Variants in DAB1 observed in about 807,000 individuals in gnomAD.
DAB1 encodes the protein DAB adaptor protein 1, also known as disabled homolog 1.
DAB1 carries 15 observed loss-of-function variants against 64.6 expected under a neutral mutation model. The ratio of observed to expected loss-of-function variants is 0.23; its 90% confidence interval spans 0.16 to 0.36. DAB1 has a LOEUF of 0.36. Among genes scored for constraint, DAB1 ranks in the 10% least tolerant of loss-of-function variants. The probability of loss-of-function intolerance (pLI) is 1.00; values close to 1 mark genes in which losing one functional copy is unlikely to be tolerated. For synonymous variants in DAB1, 235 were observed against 251.9 expected, an observed-to-expected ratio of 0.93 and a Z score of 0.64; for missense variants, 596 against 706.7, an observed-to-expected ratio of 0.84 and a Z score of 1.78.
At chr1:57,106,257 A>ACCTCC (rs1655136253) in intron 4 of DAB1, among the ~76,000 whole-genome samples, 1 of 138,654 alleles carries the variant, frequency 7.2e-6, no homozygotes, top group African/African-American at 2.7e-5. Flanking sequence ...TCCCCCTAAC[A>ACCTCC]CCCCCCCCCA....
intron 1 of DAB1, among the ~76,000 whole-genome samples, chr1:57,326,132 T>C (rs781006138): frequency 2.0e-5 from 3 of 152,200 alleles, no homozygotes; most frequent in Non-Finnish European, 4.4e-5. Flanking sequence ...AATGAAATAT[T>C]TGGGGATACT....
chr1:57,525,256 C>A lies in DAB1; in HGVS notation n.625+124336G>T, dbSNP rs1570596374. 2.6e-5 allele frequency among the ~76,000 whole-genome samples: 4 copies of A among 152,146 alleles called. No homozygotes were observed. In the Middle Eastern group the frequency reaches 0.014, roughly 518 times the overall value. On this transcript the variant is annotated intron_variant and non_coding_transcript_variant, in intron 7 of 20. Coordinates refer to the DAB1 transcript ENST00000485760. ...AATTCCCAAACAGCAATGCACCAAGCCTGGTAATCAATGAGTCCATACAGG... is the reference window on the plus strand; with the variant it reads ...AATTCCCAAACAGCAATGCACCAAGACTGGTAATCAATGAGTCCATACAGG...
intron 5 of DAB1, among the ~76,000 whole-genome samples, chr1:58,091,479 A>G (rs945508241): frequency 3.3e-5 from 5 of 152,182 alleles, no homozygotes; most frequent in African/African-American, 1.2e-4. Flanking sequence ...TTGTCTTTAC[A>G]ATGATAACCC....
chr1:58,260,191 A>G (rs1337729977), intron 4 of DAB1, among the ~76,000 whole-genome samples: 2 of 152,166 alleles, frequency 1.3e-5, no homozygotes, highest in Admixed American at 6.5e-5. Context: ...GTCACTAATC[A>G]TTGTTGGGCT....
chr1:57,793,167 A>T (rs557070291), intron 6 of DAB1, among the ~76,000 whole-genome samples: 1 of 152,320 alleles, frequency 6.6e-6, no homozygotes, highest in African/African-American at 2.4e-5. Context: ...CAAGGTACAG[A>T]ACAGAGTGCA....
chr1:57,618,494 G>A (rs1278493222), intron 7 of DAB1, among the ~76,000 whole-genome samples: 2 of 151,250 alleles, frequency 1.3e-5, no homozygotes, highest in African/African-American at 2.4e-5. Context: ...CAGTAAGTGA[G>A]AAATAGGAAA....
chr1:57,511,882 C>G (rs1345974758), intron 7 of DAB1, among the ~76,000 whole-genome samples: 1 of 152,206 alleles, frequency 6.6e-6, no homozygotes, highest in East Asian at 1.9e-4. Flanking sequence ...TGCTATACCC[C>G]AGAAATTGGT....
intron 7 of DAB1, among the ~76,000 whole-genome samples, chr1:57,611,647 C>A (rs139067354): frequency 4.5e-4 from 68 of 152,172 alleles, no homozygotes; most frequent in South Asian, 1.0e-3. Context: ...GCAAGTTAAC[C>A]TTTCCTGGTG....
chr1:58,476,408 G>A (rs760250418), intron 3 of DAB1, among the ~76,000 whole-genome samples: 7 of 152,116 alleles, frequency 4.6e-5, no homozygotes, highest in Non-Finnish European at 8.8e-5. Context: ...ACCTGGGCAT[G>A]AGTCTAGACA....
At chr1:57,696,372 AACTGTGGTGC>A in intron 6 of DAB1, among the ~76,000 whole-genome samples, 1 of 151,910 alleles carries the variant, frequency 6.6e-6, no homozygotes, top group African/African-American at 2.4e-5. Context: ...GGGGAAGTTG[AACTGTGGTGC>A]AGTTGGGAGA....
intron 1 of DAB1, among the ~76,000 whole-genome samples, chr1:57,826,871 G>C (rs993642814): frequency 6.6e-6 from 1 of 152,182 alleles, no homozygotes; most frequent in Non-Finnish European, 1.5e-5. Flanking sequence ...GAGAGCAAGA[G>C]ACAGGGGGAA....
chr1:57,889,620 C>T (rs985453593), intron 5 of DAB1, among the ~76,000 whole-genome samples: 1 of 152,210 alleles, frequency 6.6e-6, no homozygotes, highest in African/African-American at 2.4e-5. Context: ...GCCTTCTGCC[C>T]CGTATGATCC....
intron 1 of DAB1, among the ~76,000 whole-genome samples, chr1:57,314,039 C>T (rs1252703365): frequency 6.6e-6 from 1 of 152,194 alleles, no homozygotes. Flanking sequence ...ACCACCCATT[C>T]TATGGCATTC....
intron 6 of DAB1, among the ~76,000 whole-genome samples, chr1:57,789,508 C>T (rs989678741): frequency 6.6e-6 from 1 of 152,092 alleles, no homozygotes; most frequent in African/African-American, 2.4e-5. Context: ...CTGGTGAGGA[C>T]CCTCTTCATA....
At chr1:57,932,007 A>G (rs187788519) in intron 5 of DAB1, among the ~76,000 whole-genome samples, 1 of 152,240 alleles carries the variant, frequency 6.6e-6, no homozygotes, top group Non-Finnish European at 1.5e-5. Context: ...CTCTAAGCAC[A>G]GCTTTCACCG....
chr1:58,204,442 T>G (rs1299684091), intron 4 of DAB1, among the ~76,000 whole-genome samples: 1 of 152,134 alleles, frequency 6.6e-6, no homozygotes, highest in Admixed American at 6.5e-5. Context: ...GCACAAAAAT[T>G]TTAATCCAAG....
chr1:58,361,217 C>G (rs531468690), intron 3 of DAB1, among the ~76,000 whole-genome samples: 30 of 152,196 alleles, frequency 2.0e-4, no homozygotes, highest in African/African-American at 7.2e-4. Context: ...CCTCCTAGGG[C>G]CTACCTGCTT....
At chr1:57,215,166 A>G (rs1181398844) in intron 2 of DAB1, among the ~76,000 whole-genome samples, 1 of 152,072 alleles carries the variant, frequency 6.6e-6, no homozygotes, top group Non-Finnish European at 1.5e-5. Flanking sequence ...TTGGGGTTTG[A>G]TCCTGAGCTG....
rs939911423 is a variant in DAB1 at position 58,224,785 on chromosome 1, C to T, written n.310-74197G>A. On this transcript the variant is annotated intron_variant and non_coding_transcript_variant, in intron 4 of 20. Transcript: ENST00000485760. The stretch of plus-strand genomic sequence containing the variant: ...GTAGAAAGCTGAAACTGGATCCCTT[C>T]CTTACACCTTACACAAAAATTAATT... Among the ~76,000 whole-genome samples the T allele has an allele frequency of 3.9e-5, 6 of 152,108 alleles. 1 individual carries two copies. The highest frequency in any genetic ancestry group is 2.6e-4 in the Admixed American group (4 of 15,260).
Sources: gnomAD v4.1 joint callset for allele counts (sites outside exome capture counted in the v4.1 genomes callset) on GRCh38, gnomAD v4.1.1 for gene constraint, MANE v1.5 for transcripts, NCBI Gene and HGNC (gene_info 2026-07-23, HGNC 2026-07-21) for gene names.